NOVA1: variants seen among roughly 807,000 people sequenced by gnomAD.
NOVA1 encodes NOVA alternative splicing regulator 1, also known as RNA-binding protein Nova-1.
In NOVA1, 7 loss-of-function variants were observed where a neutral mutation model predicts 38.0. That is an observed-to-expected ratio of 0.18 (90% CI 0.10 to 0.35). NOVA1 has a LOEUF of 0.35. Ranked by LOEUF, NOVA1 falls within the 10% of genes least tolerant of loss-of-function variation. The probability of loss-of-function intolerance (pLI) is 1.00; values close to 1 mark genes in which losing one functional copy is unlikely to be tolerated. For synonymous variants in NOVA1, 270 were observed against 232.5 expected, an observed-to-expected ratio of 1.16 and a Z score of -1.47; for missense variants, 460 against 616.0, an observed-to-expected ratio of 0.75 and a Z score of 2.68.
At chr14:26,585,380 A>G (rs1893454756) in intron 2 of NOVA1, among the ~76,000 whole-genome samples, 1 of 151,388 alleles carries the variant, frequency 6.6e-6, no homozygotes, top group Non-Finnish European at 1.5e-5. Flanking sequence ...GGCACATTAG[A>G]AAAGTAAATT....
intron 2 of NOVA1, among the ~76,000 whole-genome samples, chr14:26,514,220 A>G (rs1215046800): frequency 6.6e-6 from 1 of 151,714 alleles, no homozygotes; most frequent in Non-Finnish European, 1.5e-5. Context: ...CAATATATAG[A>G]TTTGACTCTC....
At chr14:26,475,965 C>T (rs934177827) in intron 3 of NOVA1, among the ~76,000 whole-genome samples, 2 of 152,090 alleles carry the variant, frequency 1.3e-5, no homozygotes, top group African/African-American at 4.8e-5. Context: ...AAAGTGAAAA[C>T]AGCGACGAAC....
chr14:26,587,687 CT>C (rs1256489358), intron 2 of NOVA1, among the ~76,000 whole-genome samples: 1 of 151,244 alleles, frequency 6.6e-6, no homozygotes, highest in Non-Finnish European at 1.5e-5. Context: ...ACACTAACCA[CT>C]TCAAAACCAG....
At chr14:26,584,263 A>C (rs1893389330) in intron 2 of NOVA1, among the ~76,000 whole-genome samples, 2 of 151,290 alleles carry the variant, frequency 1.3e-5, no homozygotes, top group African/African-American at 2.4e-5. Flanking sequence ...TTCCTTTCTA[A>C]GTAAATTGGG....
chr14:26,544,942 T>A (rs113027455), intron 2 of NOVA1, among the ~76,000 whole-genome samples: 25 of 152,208 alleles, frequency 1.6e-4, no homozygotes, highest in African/African-American at 6.0e-4. Flanking sequence ...AGACCAATTG[T>A]ATGGCCATCA....
At chr14:26,478,956 ATTCAACATT>A (rs1885212468) in intron 3 of NOVA1, 1 of 151,860 alleles carries the variant, frequency 6.6e-6, no homozygotes, top group Non-Finnish European at 1.5e-5. Flanking sequence ...ATATTTCATT[ATTCAACATT>A]ATATTTATCT....
chr14:26,467,996 G>A lies in NOVA1; in HGVS notation c.519+4324C>T, dbSNP rs145962762. On this transcript the variant is annotated intron_variant, in intron 4 of 4. Coordinates refer to ENST00000539517, the MANE Select transcript of NOVA1 (RefSeq NM_002515.3). ...CAATCTTCTCCCCTTGAGTGTGAGT[G>A]GGACACATGACTTACTTCTCACTAC... Among the ~76,000 whole-genome samples, 38 of 152,252 alleles carry A rather than the reference G, an allele frequency of 2.5e-4. 1 individual carries two copies. In the East Asian group the frequency reaches 6.4e-3, roughly 26 times the overall value.
In NOVA1 at chr14:26,582,928, G is replaced by A. The variant is rs145574814; in HGVS notation, c.280+12482C>T. Among the ~76,000 whole-genome samples the A allele has an allele frequency of 7.9e-5, 12 of 151,852 alleles. No individual in the cohort carries two copies. The East Asian group carries it at 2.1e-3, about 27-fold the overall frequency. On this transcript the variant is annotated intron_variant, in intron 2 of 4. Coordinates refer to ENST00000539517, the MANE Select transcript of NOVA1 (RefSeq NM_002515.3). ...TTTCAGATATATGCCAACCTAAAGTGCCACATATGGCATATCTAGCTCATT... is the reference window on the plus strand; with the variant it reads ...TTTCAGATATATGCCAACCTAAAGTACCACATATGGCATATCTAGCTCATT...
At chr14:26,484,902 A>G (rs148150841) in intron 2 of NOVA1, among the ~76,000 whole-genome samples, 60 of 152,266 alleles carry the variant, frequency 3.9e-4, no homozygotes, top group Middle Eastern at 3.4e-3. Context: ...TCCCTACTAA[A>G]TAAGTATCAT....
At chr14:26,475,975 C>T (rs75047228) in intron 3 of NOVA1, among the ~76,000 whole-genome samples, 1 of 152,052 alleles carries the variant, frequency 6.6e-6, no homozygotes, top group Non-Finnish European at 1.5e-5. Flanking sequence ...CAGCGACGAA[C>T]AACAAATCTC....
At chr14:26,512,093 A>T (rs1888140247) in intron 2 of NOVA1, among the ~76,000 whole-genome samples, 1 of 152,174 alleles carries the variant, frequency 6.6e-6, no homozygotes, top group South Asian at 2.1e-4. Context: ...CTGCTATATA[A>T]TGTAAAGAAA....
intron 2 of NOVA1, among the ~76,000 whole-genome samples, chr14:26,527,096 A>T (rs564197156): frequency 6.6e-6 from 1 of 152,314 alleles, no homozygotes; most frequent in East Asian, 1.9e-4. Flanking sequence ...AAAACTGTTT[A>T]AAACTGTGCA....
intron 2 of NOVA1, among the ~76,000 whole-genome samples, chr14:26,499,014 T>TA (rs749721696): frequency 1.3e-5 from 2 of 151,988 alleles, no homozygotes; most frequent in Non-Finnish European, 2.9e-5. Context: ...TATATAGAGA[T>TA]AGAGAATAAA....
At chr14:26,486,937 A>T (rs1340165545) in intron 2 of NOVA1, among the ~76,000 whole-genome samples, 1 of 152,118 alleles carries the variant, frequency 6.6e-6, no homozygotes, top group East Asian at 1.9e-4. Flanking sequence ...AACACAAAGT[A>T]TCCTTTCAAC....
rs1468849417 is a variant in NOVA1, at chr14:26,452,569, AAAT to A, written c.520-3609_520-3607del. 1.3e-5 allele frequency among the ~76,000 whole-genome samples: 2 copies of A among 152,228 alleles called. 1 individual carries two copies. On this transcript the variant is annotated intron_variant, in intron 4 of 4. Coordinates refer to ENST00000539517, the MANE Select transcript of NOVA1 (RefSeq NM_002515.3). ...AATTCCAACTGAAACGACAAATAGC[AAAT>A]TCTAACTGTATACATGGATTCATTT...
chr14:26,443,307 G>C lies in NOVA1; in HGVS notation c.*4652C>G, dbSNP rs1881827533. ...ATAAAAAACTATTTAAAAAAAATTC[G>C]GCACATACACGTTAAATATTTTTCC... On this transcript the variant is annotated 3_prime_UTR_variant, in exon 5 of 5. Transcript: ENST00000539517. The C allele has an allele frequency of 6.6e-6, 1 of 151,178 alleles. No individual in the cohort carries two copies. Among genetic ancestry groups the C allele is most frequent in the Non-Finnish European group, 1.5e-5 (1 of 67,738 alleles). 9.4% of individuals were successfully genotyped at this position (151,178 alleles called of 1,614,324 possible).
chr14:26,569,992 G>T (rs890172770), intron 2 of NOVA1, among the ~76,000 whole-genome samples: 1 of 152,120 alleles, frequency 6.6e-6, no homozygotes, highest in Non-Finnish European at 1.5e-5. Flanking sequence ...GCCTTAAAGG[G>T]TCTCTAAAAG....
At chr14:26,522,819 A>T (rs1279661546) in intron 2 of NOVA1, among the ~76,000 whole-genome samples, 1 of 152,154 alleles carries the variant, frequency 6.6e-6, no homozygotes, top group African/African-American at 2.4e-5. Flanking sequence ...TACTTGGTGA[A>T]TAATATTACT....
intron 2 of NOVA1, among the ~76,000 whole-genome samples, chr14:26,536,601 C>T (rs1435933964): frequency 1.3e-5 from 2 of 150,968 alleles, no homozygotes; most frequent in African/African-American, 4.9e-5. Context: ...ACTCTCAAAA[C>T]CCCCCAAATC....
Sources: gnomAD v4.1 joint callset for allele counts (sites outside exome capture counted in the v4.1 genomes callset) on GRCh38, gnomAD v4.1.1 for gene constraint, MANE v1.5 for transcripts, NCBI Gene and HGNC (gene_info 2026-07-23, HGNC 2026-07-21) for gene names.